Variants in ZNF341 observed in about 807,000 individuals in gnomAD.
ZNF341 encodes zinc finger protein 341.
In ZNF341, 52 loss-of-function variants were observed where a neutral mutation model predicts 87.7. The ratio of observed to expected loss-of-function variants is 0.59; its 90% confidence interval spans 0.47 to 0.75. The LOEUF (loss-of-function observed/expected upper bound fraction) is 0.75, where lower values mean the gene tolerates loss of function less well. ZNF341 is among the 30% of genes least tolerant of loss of function. The pLI, the probability that ZNF341 is intolerant of heterozygous loss-of-function variation, is 0.00. For synonymous variants in ZNF341, 459 were observed against 472.7 expected (o/e 0.97, Z 0.38); for missense variants, 977 against 1,145.9 (o/e 0.85, Z 2.13).
intron 6 of ZNF341, 103 bp from the exon 7 acceptor site, chr20:33,758,612 TG>T: frequency 1.2e-6 from 1 of 860,988 alleles, no homozygotes; most frequent in Non-Finnish European, 1.9e-6. Flanking sequence ...TAGACTTCCC[TG>T]GGGTATGGAT....
At chr20:33,777,732 C>T (rs1034991289) in intron 10 of ZNF341, among the ~76,000 whole-genome samples, 4 of 151,900 alleles carry the variant, frequency 2.6e-5, no homozygotes, top group Non-Finnish European at 5.9e-5. Context: ...CCAATTGTTC[C>T]AATAACATGC....
Position 33,770,310 on chromosome 20 carries a change from C to G in ZNF341, c.1622+18C>G. On this transcript the variant is annotated intron_variant, in intron 10 of 14. Transcript: ENST00000375200. ...GTCTACAAGTAAGTGCCTCCTGCTT[C>G]CCTCTCCCTGGGTGGACGGGTGGGT... 1 of 1,610,970 alleles carries G rather than the reference C, an allele frequency of 6.2e-7. No individual in the cohort carries two copies. The highest frequency in any genetic ancestry group is 8.5e-7 in the Non-Finnish European group (1 of 1,177,494).
At chr20:33,784,671 G>A (rs975125102) in intron 12 of ZNF341, among the ~76,000 whole-genome samples, 6 of 150,702 alleles carry the variant, frequency 4.0e-5, no homozygotes, top group Middle Eastern at 3.4e-3. Context: ...GCTGGAGTGC[G>A]GTGGCAGATC....
intron 14 of ZNF341, among the ~76,000 whole-genome samples, 199 bp from the exon 15 acceptor site, chr20:33,790,789 C>T (rs1169605570): frequency 1.3e-5 from 2 of 152,162 alleles, no homozygotes; most frequent in South Asian, 2.1e-4. Context: ...AGGGAGGAGC[C>T]AGCGTGGCAT....
chr20:33,732,509 C>T lies in ZNF341; in HGVS notation c.31+457C>T, dbSNP rs910832466. ...CTTCTGCGGAGCGGACTGTATGCCT[C>T]GTGCTAGGACGTAGTCTCAAAATCA... On this transcript the variant is annotated intron_variant, in intron 1 of 14. Transcript: ENST00000375200. This position sits in a 1 kb window ranked among gnomAD's most constrained non-coding sequence, Gnocchi z 4.5. Among the ~76,000 whole-genome samples, 2 of 152,198 alleles carry T rather than the reference C, an allele frequency of 1.3e-5. No homozygotes were observed. The highest frequency in any genetic ancestry group is 1.3e-4 in the Admixed American group (2 of 15,280).
intron 8 of ZNF341, among the ~76,000 whole-genome samples, chr20:33,762,281 T>A (rs2019311339): frequency 6.6e-6 from 1 of 151,970 alleles, no homozygotes; most frequent in South Asian, 2.1e-4. Flanking sequence ...TTCAATCACC[T>A]ACCCATTTTT....
At chr20:33,758,293 G>C (rs2122678063) in intron 6 of ZNF341, among the ~76,000 whole-genome samples, 1 of 152,270 alleles carries the variant, frequency 6.6e-6, no homozygotes, top group East Asian at 1.9e-4. Flanking sequence ...GTATCTGTGG[G>C]ACAAGCATTC....
intron 2 of ZNF341, among the ~76,000 whole-genome samples, chr20:33,741,888 G>C (rs1388078660): frequency 3.3e-5 from 5 of 152,336 alleles, no homozygotes; most frequent in East Asian, 3.9e-4. Context: ...CTGTGGTTCA[G>C]TTCCTACACC....
chr20:33,752,362 A>C, intron 4 of ZNF341: 1 of 627,266 alleles, frequency 1.6e-6, no homozygotes, highest in Non-Finnish European at 3.1e-6. Flanking sequence ...CAATGCACAC[A>C]TCTGGAGTTC....
At chr20:33,760,207 A>G (rs66771363) in intron 7 of ZNF341, among the ~76,000 whole-genome samples, 22,412 of 152,084 alleles carry the variant, frequency 0.15, 2,479 homozygotes, top group East Asian at 0.56. Flanking sequence ...GTTCAAGACC[A>G]GCCTGGCCAA....
chr20:33,786,008 C>G (rs1217004841), intron 12 of ZNF341, among the ~76,000 whole-genome samples: 1 of 148,844 alleles, frequency 6.7e-6, no homozygotes, highest in Non-Finnish European at 1.5e-5. Context: ...TGTATTTAGC[C>G]AGTTCTCTAT....
chr20:33,762,707 C>G (rs1397719378), intron 8 of ZNF341, among the ~76,000 whole-genome samples: 1 of 152,000 alleles, frequency 6.6e-6, no homozygotes, highest in Non-Finnish European at 1.5e-5. Flanking sequence ...CCCGACAGGC[C>G]CTGGTATGTG....
intron 10 of ZNF341, among the ~76,000 whole-genome samples, chr20:33,771,867 T>C (rs1335130192): frequency 6.6e-6 from 1 of 150,888 alleles, no homozygotes; most frequent in African/African-American, 2.4e-5. Flanking sequence ...ATAGAAAAAT[T>C]AGCCAGGTGT....
At chr20:33,764,539 A>ATG (rs1476424553) in intron 8 of ZNF341, among the ~76,000 whole-genome samples, 27 of 87,626 alleles carry the variant, frequency 3.1e-4, no homozygotes, top group African/African-American at 1.1e-3. Flanking sequence ...GTGTGTGTGT[A>ATG]TGTGTATATA....
intron 7 of ZNF341, among the ~76,000 whole-genome samples, chr20:33,759,285 A>G (rs2019245392): frequency 6.6e-6 from 1 of 152,108 alleles, no homozygotes; most frequent in East Asian, 1.9e-4. Context: ...GCACTGGTAC[A>G]TGAGATGATT....
In ZNF341 at chr20:33,758,733, G is replaced by A. The variant is rs140542174; in HGVS notation, c.955G>A (p.Ala319Thr). ...TCTTTCAGCTGCAGGGAAGCCAAAGGCTCAGAAACTCAAGTGCTCATACTG... is the reference window on the plus strand; with the variant it reads ...TCTTTCAGCTGCAGGGAAGCCAAAGACTCAGAAACTCAAGTGCTCATACTG... ...GLPEAAGKPK[A>T]QKLKCSYCDK... Residue 319 changes from alanine (A) to threonine (T), a missense_variant, in exon 7 of 15, where the codon GCT becomes ACT. Ala to Thr is a moderately conservative substitution (Grantham distance 58). This residue lies in a region of ZNF341 where 515 missense variants were observed against 598.2 expected (regional missense o/e 0.86). Transcript: ENST00000375200. 2 of 1,613,762 alleles carry A rather than the reference G, an allele frequency of 1.2e-6. No individual in the cohort carries two copies. The highest frequency in any genetic ancestry group is 1.1e-5 in the South Asian group (1 of 90,974).
At chr20:33,784,697 C>T (rs553022027) in intron 12 of ZNF341, among the ~76,000 whole-genome samples, 1 of 151,834 alleles carries the variant, frequency 6.6e-6, no homozygotes, top group African/African-American at 2.4e-5. Context: ...TCACTGCAAC[C>T]TCTGCCTCCC....
intron 5 of ZNF341, among the ~76,000 whole-genome samples, chr20:33,755,109 A>AT (rs996491207): frequency 2.6e-5 from 4 of 151,684 alleles, no homozygotes; most frequent in Non-Finnish European, 4.4e-5. Context: ...CGCCCAACTA[A>AT]TTTTTTTTGT....
chr20:33,761,062 A>G (rs1272815136), intron 7 of ZNF341, among the ~76,000 whole-genome samples: 1 of 144,462 alleles, frequency 6.9e-6, no homozygotes, highest in Admixed American at 6.9e-5. Flanking sequence ...TGGCATGATC[A>G]TAGCTCATTG....
Sources: allele counts gnomAD v4.1 joint callset (sites outside exome capture counted in the v4.1 genomes callset), GRCh38; gene constraint gnomAD v4.1.1; regional missense constraint gnomAD v4.1.1; non-coding constraint Gnocchi (gnomAD v3.1); transcripts MANE v1.5; gene names NCBI Gene and HGNC (gene_info 2026-07-23, HGNC 2026-07-21).